Variants in GDPD5 observed in about 807,000 individuals in gnomAD.
GDPD5 encodes the protein glycerophosphodiester phosphodiesterase domain containing 5.
In GDPD5, 48 loss-of-function variants were observed where a neutral mutation model predicts 75.1. The observed-to-expected ratio is 0.64, with a 90% CI of 0.51 to 0.81. GDPD5 has a LOEUF of 0.81. GDPD5 is among the 40% of genes least tolerant of loss of function. The probability of loss-of-function intolerance (pLI) is 0.00; values close to 1 mark genes in which losing one functional copy is unlikely to be tolerated. For synonymous variants in GDPD5, 336 were observed against 339.0 expected, an observed-to-expected ratio of 0.99 and a Z score of 0.10; for missense variants, 706 against 822.6, an observed-to-expected ratio of 0.86 and a Z score of 1.73.
chr11:75,505,066 G>A (rs1000373438), intron 1 of GDPD5, among the ~76,000 whole-genome samples: 1 of 151,784 alleles, frequency 6.6e-6, no homozygotes, highest in East Asian at 1.9e-4. Flanking sequence ...AGGTTGCAGT[G>A]AGCCGAGATC....
In GDPD5 at chr11:75,435,268, C is replaced by G; in HGVS notation, c.*239G>C. ...GGGGGACCAAGCCCTAGGCCCCATA[C>G]TTCCCAGAAGGAGCCCCAGGCCTGC... On this transcript the variant is annotated 3_prime_UTR_variant, in exon 17 of 17. Coordinates refer to ENST00000336898, the MANE Select transcript of GDPD5 (RefSeq NM_030792.8). 1 of 451,670 alleles carries G rather than the reference C, an allele frequency of 2.2e-6. No individual in the cohort carries two copies. Among genetic ancestry groups the G allele is most frequent in the Non-Finnish European group, 4.0e-6 (1 of 252,228 alleles). 28.0% of individuals were successfully genotyped at this position (451,670 alleles called of 1,614,324 possible). A position where few individuals can be genotyped will look rare whatever the true frequency, so the allele number is the denominator to read the frequency against.
At position 75,449,586 on chromosome 11, in the gene GDPD5, C is replaced by T; in HGVS notation, c.499G>A (p.Gly167Arg). Residue 167 changes from glycine (G) to arginine (R), a missense_variant, in exon 8 of 17, where the codon GGG (glycine) becomes AGG (arginine). Physicochemically the swap from Gly to Arg is moderately radical, Grantham distance 125. Coordinates refer to ENST00000336898, the MANE Select transcript of GDPD5 (RefSeq NM_030792.8). ...LQGTAPFLHVGAVAAVTMLSW... is the reference protein window; with the variant it reads ...LQGTAPFLHVRAVAAVTMLSW... Reference sequence around the variant, plus strand: ...AGCATGGTGACTGCTGCCACAGCCCCCACATGCAGGAATGGCGCTGTGCCC... The same window carrying T: ...AGCATGGTGACTGCTGCCACAGCCCTCACATGCAGGAATGGCGCTGTGCCC... The T allele has an allele frequency of 1.9e-6, 3 of 1,586,610 alleles. No individual in the cohort carries two copies. Among genetic ancestry groups the T allele is most frequent in the Non-Finnish European group, 2.6e-6 (3 of 1,166,640 alleles).
intron 1 of GDPD5, among the ~76,000 whole-genome samples, chr11:75,505,697 C>G (rs748382662): frequency 4.6e-5 from 7 of 152,178 alleles, no homozygotes; most frequent in Non-Finnish European, 8.8e-5. Context: ...ACTCACTTCA[C>G]AGAAGGGAAA....
At chr11:75,454,137 T>C (rs1421220896) in intron 6 of GDPD5, among the ~76,000 whole-genome samples, 2 of 152,224 alleles carry the variant, frequency 1.3e-5, no homozygotes, top group Non-Finnish European at 2.9e-5. Flanking sequence ...AATGGCTAAT[T>C]TCCCACATCT....
At chr11:75,506,340 T>C (rs181385222) in intron 1 of GDPD5, among the ~76,000 whole-genome samples, 8 of 152,014 alleles carry the variant, frequency 5.3e-5, no homozygotes, top group African/African-American at 1.4e-4. Context: ...ACTTACTTGA[T>C]AGGAAAAGGA....
At chr11:75,446,785 C>G (rs1948997191) in intron 9 of GDPD5, among the ~76,000 whole-genome samples, 1 of 152,128 alleles carries the variant, frequency 6.6e-6, no homozygotes, top group Non-Finnish European at 1.5e-5. Context: ...AAAACTACCA[C>G]CAGGGCATGA....
At position 75,458,090 on chromosome 11, in the gene GDPD5, T is replaced by C. The variant is rs1033946575; in HGVS notation, c.222-304A>G. On this transcript the variant is annotated intron_variant, in intron 4 of 16. Transcript: ENST00000336898. ...TTCCCCCGCCCCCATGCCTATATGT[T>C]TGTATAAACAGCAAAGCCAGGACCC... Among the ~76,000 whole-genome samples, 8 of 152,180 alleles carry C rather than the reference T, an allele frequency of 5.3e-5. No homozygotes were observed. In the South Asian group the frequency reaches 1.7e-3, roughly 32 times the overall value.
intron 10 of GDPD5, among the ~76,000 whole-genome samples, chr11:75,443,611 T>C (rs929640786): frequency 2.0e-5 from 3 of 152,220 alleles, no homozygotes; most frequent in Non-Finnish European, 4.4e-5. Context: ...AAACTGAGGC[T>C]GAGAGAGGGA....
At chr11:75,455,532 C>T (rs532661268) in intron 6 of GDPD5, among the ~76,000 whole-genome samples, 1 of 152,360 alleles carries the variant, frequency 6.6e-6, no homozygotes, top group African/African-American at 2.4e-5. Context: ...CAGCCCAACC[C>T]AGGCTCATGC....
At chr11:75,463,183 C>T (rs1314147739) in intron 3 of GDPD5, among the ~76,000 whole-genome samples, 1 of 152,242 alleles carries the variant, frequency 6.6e-6, no homozygotes, top group Non-Finnish European at 1.5e-5. Flanking sequence ...ACTGCTCTCC[C>T]TATTCTGGGG....
At chr11:75,437,405 A>C in intron 15 of GDPD5, 1 of 237,186 alleles carries the variant, frequency 4.2e-6, no homozygotes. Context: ...GACTCTGTTG[A>C]CCTAAGCTGG....
At chr11:75,451,636 C>A (rs1047266829) in intron 6 of GDPD5, 3 of 152,292 alleles carry the variant, frequency 2.0e-5, no homozygotes, top group Non-Finnish European at 4.4e-5. Context: ...TCCCGGCTGC[C>A]CCCGGCGCGC....
At chr11:75,478,603 A>G (rs1204992193) in intron 2 of GDPD5, among the ~76,000 whole-genome samples, 1 of 152,204 alleles carries the variant, frequency 6.6e-6, no homozygotes, top group African/African-American at 2.4e-5. Flanking sequence ...CTACCCTACT[A>G]TAATGCAGTT....
Position 75,441,175 on chromosome 11 carries a change from G to A in GDPD5, c.1461C>T (p.Pro487=), listed in dbSNP as rs141517035. ...CCCCCCAACTCACCATGATCCAGAG[G>A]GGGGAAGGCACCTGGGACAGGGCGT... The part of the protein sequence containing the change: ...NSHALSQVPS[P]LWIMPPDEYC... The change falls in exon 14 of 17, where the codon CCC becomes CCT. Residue 487 remains proline, a synonymous_variant. Transcript: ENST00000336898. 6.4e-5 allele frequency: 104 copies of A among 1,613,672 alleles called. No individual in the cohort carries two copies. The highest frequency in any genetic ancestry group is 2.2e-4 in the East Asian group (10 of 44,882).
At chr11:75,483,425 C>A (rs1250817343) in intron 2 of GDPD5, among the ~76,000 whole-genome samples, 1 of 152,170 alleles carries the variant, frequency 6.6e-6, no homozygotes, top group Non-Finnish European at 1.5e-5. Flanking sequence ...CTCATCCTCA[C>A]ATCCCGGGAC....
intron 1 of GDPD5, among the ~76,000 whole-genome samples, chr11:75,503,825 C>T (rs894841026): frequency 6.6e-6 from 1 of 152,188 alleles, no homozygotes; most frequent in Non-Finnish European, 1.5e-5. Flanking sequence ...TTGGCCTCCA[C>T]CCACTACAGA....
intron 3 of GDPD5, among the ~76,000 whole-genome samples, chr11:75,472,101 A>C (rs1949680394): frequency 6.6e-6 from 1 of 152,170 alleles, no homozygotes; most frequent in South Asian, 2.1e-4. Context: ...CTTTGGTACA[A>C]GACAGGAGGC....
intron 1 of GDPD5, among the ~76,000 whole-genome samples, chr11:75,501,568 G>C (rs1384114120): frequency 6.6e-6 from 1 of 152,168 alleles, no homozygotes; most frequent in Non-Finnish European, 1.5e-5. Flanking sequence ...GGCTGGGCCA[G>C]GGCTCCAGGC....
intron 3 of GDPD5, among the ~76,000 whole-genome samples, chr11:75,467,765 C>T (rs1034621679): frequency 6.6e-6 from 1 of 152,104 alleles, no homozygotes; most frequent in Non-Finnish European, 1.5e-5. Context: ...GAGGCTCCAA[C>T]CCAGAGGCCA....
Sources: allele counts gnomAD v4.1 joint callset (sites outside exome capture counted in the v4.1 genomes callset), GRCh38; gene constraint gnomAD v4.1.1; transcripts MANE v1.5; gene names NCBI Gene and HGNC (gene_info 2026-07-23, HGNC 2026-07-21).